Variants in CPNE4 observed in about 807,000 individuals in gnomAD.
The protein encoded by CPNE4 is copine-4.
Under a neutral mutation model 67.9 loss-of-function variants are expected in CPNE4, and 25 were observed. The ratio of observed to expected loss-of-function variants is 0.37; its 90% CI spans 0.27 to 0.51. The LOEUF (loss-of-function observed/expected upper bound fraction) is 0.51. CPNE4 is among the 20% of genes least tolerant of loss of function. The probability of loss-of-function intolerance (pLI) is 0.93; values close to 1 mark genes in which losing one functional copy is unlikely to be tolerated. For synonymous variants in CPNE4, 242 were observed against 244.9 expected, an observed-to-expected ratio of 0.99 and a Z score of 0.11; for missense variants, 464 against 690.8, an observed-to-expected ratio of 0.67 and a Z score of 3.68.
intron 2 of CPNE4, among the ~76,000 whole-genome samples, chr3:131,865,975 T>A (rs2086930773): frequency 6.6e-6 from 1 of 152,212 alleles, no homozygotes; most frequent in South Asian, 2.1e-4. Flanking sequence ...GCCAGGCCTT[T>A]ACAGGCTCAC....
chr3:131,684,099 C>T (rs993601593), intron 6 of CPNE4, among the ~76,000 whole-genome samples: 4 of 152,088 alleles, frequency 2.6e-5, no homozygotes, highest in African/African-American at 4.8e-5. Context: ...TCAGTGATAA[C>T]GATGTTAAAA....
At chr3:131,932,280 CCTGG>C (rs1560623440) in intron 1 of CPNE4, among the ~76,000 whole-genome samples, 1 of 152,150 alleles carries the variant, frequency 6.6e-6, no homozygotes, top group East Asian at 1.9e-4. Context: ...TGAAAGGAAA[CCTGG>C]CTATCTGAAA....
At chr3:131,762,947 C>G (rs1189060888) in intron 2 of CPNE4, among the ~76,000 whole-genome samples, 1 of 150,636 alleles carries the variant, frequency 6.6e-6, no homozygotes, top group African/African-American at 2.4e-5. Flanking sequence ...AGTAACTAGA[C>G]CAACCCCACT....
At chr3:131,915,688 T>A (rs916801801) in intron 1 of CPNE4, among the ~76,000 whole-genome samples, 7 of 152,202 alleles carry the variant, frequency 4.6e-5, no homozygotes, top group African/African-American at 1.7e-4. Flanking sequence ...CAATAAATAA[T>A]TACTTCAATC....
At chr3:132,030,021 A>C (rs1289057885) in intron 1 of CPNE4, among the ~76,000 whole-genome samples, 1 of 152,132 alleles carries the variant, frequency 6.6e-6, no homozygotes, top group Admixed American at 6.5e-5. Flanking sequence ...AAATTCAATC[A>C]CATTTATTGG....
At chr3:131,975,571 C>T (rs2072627826) in intron 1 of CPNE4, among the ~76,000 whole-genome samples, 1 of 152,208 alleles carries the variant, frequency 6.6e-6, no homozygotes, top group Admixed American at 6.5e-5. Flanking sequence ...AATCTACCCA[C>T]ACTGCTTCTG....
chr3:132,003,707 T>C (rs767815501), intron 1 of CPNE4, among the ~76,000 whole-genome samples: 8 of 152,134 alleles, frequency 5.3e-5, no homozygotes, highest in Admixed American at 1.3e-4. Flanking sequence ...CTTTTTAGTA[T>C]GCTTCCTGAA....
intron 2 of CPNE4, among the ~76,000 whole-genome samples, chr3:131,874,085 G>C (rs923497458): frequency 6.9e-6 from 1 of 145,586 alleles, no homozygotes; most frequent in Non-Finnish European, 1.5e-5. Flanking sequence ...TCATTCAGTT[G>C]TTTCTTTTCT....
chr3:131,631,122 C>A (rs368593207), intron 7 of CPNE4, among the ~76,000 whole-genome samples: 1 of 152,150 alleles, frequency 6.6e-6, no homozygotes, highest in Admixed American at 6.5e-5. Context: ...TTTCAGATAT[C>A]TTTTTTCTCA....
intron 1 of CPNE4, among the ~76,000 whole-genome samples, chr3:131,940,702 G>A (rs2071360172): frequency 6.6e-6 from 1 of 151,986 alleles, no homozygotes; most frequent in Non-Finnish European, 1.5e-5. Flanking sequence ...GCCAGTTCTA[G>A]GATAAGGAAA....
intron 2 of CPNE4, among the ~76,000 whole-genome samples, chr3:131,781,372 G>T (rs1245367391): frequency 6.6e-6 from 1 of 152,034 alleles, no homozygotes; most frequent in Non-Finnish European, 1.5e-5. Flanking sequence ...CATAAATCTG[G>T]CCCCCATCTT....
chr3:131,913,422 A>C (rs1014396411), intron 1 of CPNE4, among the ~76,000 whole-genome samples: 5 of 152,220 alleles, frequency 3.3e-5, no homozygotes, highest in Non-Finnish European at 7.3e-5. Flanking sequence ...ATACAACTCC[A>C]GTAAACACAC....
intron 1 of CPNE4, among the ~76,000 whole-genome samples, chr3:131,954,614 T>C (rs563469794): frequency 3.9e-5 from 6 of 152,302 alleles, no homozygotes; most frequent in Admixed American, 1.3e-4. Context: ...GTCATTTACA[T>C]TGGGTATATC....
chr3:131,901,284 T>C (rs1200498294), intron 2 of CPNE4, among the ~76,000 whole-genome samples: 1 of 152,088 alleles, frequency 6.6e-6, no homozygotes, highest in East Asian at 1.9e-4. Context: ...AGGAAGATAT[T>C]ATTTCCACTC....
At chr3:131,716,765 T>C (rs2081701255) in intron 3 of CPNE4, among the ~76,000 whole-genome samples, 1 of 152,220 alleles carries the variant, frequency 6.6e-6, no homozygotes, top group Non-Finnish European at 1.5e-5. Flanking sequence ...AAGTCAGCAC[T>C]ATTATTATTT....
intron 3 of CPNE4, among the ~76,000 whole-genome samples, chr3:131,719,974 C>T (rs958053424): frequency 1.3e-5 from 2 of 152,200 alleles, no homozygotes; most frequent in Non-Finnish European, 2.9e-5. Flanking sequence ...ACTCAGGATT[C>T]ACTCTTGAGC....
intron 2 of CPNE4, among the ~76,000 whole-genome samples, chr3:131,857,073 A>G (rs2086475183): frequency 6.6e-6 from 1 of 152,082 alleles, no homozygotes; most frequent in Non-Finnish European, 1.5e-5. Flanking sequence ...ACCTTGGAGC[A>G]TGTGTCAAAT....
chr3:132,032,828 T>C (rs562514599), intron 1 of CPNE4, among the ~76,000 whole-genome samples: 30 of 152,376 alleles, frequency 2.0e-4, no homozygotes, highest in Non-Finnish European at 3.8e-4. Flanking sequence ...CTTCATCTTA[T>C]CTTTTGGTTA....
intron 7 of CPNE4, among the ~76,000 whole-genome samples, chr3:131,656,802 T>G (rs1490889727): frequency 6.6e-6 from 1 of 152,198 alleles, no homozygotes; most frequent in African/African-American, 2.4e-5. Context: ...ACTGGAGGAA[T>G]GTATGTATGA....
Sources: allele counts gnomAD v4.1 joint callset (sites outside exome capture counted in the v4.1 genomes callset), GRCh38; gene constraint gnomAD v4.1.1; transcripts MANE v1.5; gene names NCBI Gene and HGNC (gene_info 2026-07-23, HGNC 2026-07-21).